The following RPS11 variants were observed in gnomAD, a reference collection of about 807,000 sequenced individuals.
The protein encoded by RPS11 is small ribosomal subunit protein uS17.
For missense variants in RPS11, 127 were observed against 211.4 expected, an observed-to-expected ratio of 0.60 and a Z score of 2.48; for synonymous variants, 107 against 78.0, an observed-to-expected ratio of 1.37 and a Z score of -1.96.
At chr19:49,499,368 A>G (rs973641548) in intron 4 of RPS11, 144 bp from the exon 5 acceptor site, 81 of 811,298 alleles carry the variant, frequency 1.0e-4, no homozygotes, top group Admixed American at 5.4e-5. Flanking sequence ...AAAGGAGGGG[A>G]CAGGTTGAAT....
Position 49,497,222 on chromosome 19 carries a change from C to T in RPS11, c.44C>T (p.Thr15Ile), listed in dbSNP as rs768107021. The change falls in exon 2 of 5, where the codon ACC becomes ATC. Residue 15 changes from threonine (T) to isoleucine (I), a missense_variant. By Grantham distance (89) the Thr-to-Ile change is moderately conservative (BLOSUM62 -1). Coordinates refer to ENST00000270625, the MANE Select transcript of RPS11 (RefSeq NM_001015.5). ...GAGCGTGCCTACCAAAAGCAGCCGA[C>T]CATCTTTCAAAACAAGAAGAGGGTC... The part of the protein sequence containing the change: ...QTERAYQKQP[T>I]IFQNKKRVLL... 9.9e-6 allele frequency: 16 copies of T among 1,613,928 alleles called. No individual in the cohort carries two copies. Among genetic ancestry groups the T allele is most frequent in the South Asian group, 4.4e-5 (4 of 91,090 alleles).
intron 4 of RPS11, among the ~76,000 whole-genome samples, chr19:49,498,953 A>G (rs1174801312): frequency 1.2e-4 from 19 of 152,110 alleles, no homozygotes; most frequent in Non-Finnish European, 1.5e-5. Context: ...GTGGTGTGAG[A>G]TGTTTGGGGT....
At chr19:49,496,601 T>G (rs2079907505) in intron 1 of RPS11, 130 bp downstream of exon 1, 2 of 986,632 alleles carry the variant, frequency 2.0e-6, no homozygotes, top group South Asian at 3.2e-5. Flanking sequence ...TTCTAGAGAT[T>G]AACTGGAGTG....
chr19:49,496,438 T>G lies in RPS11; in HGVS notation c.-19T>G. 1 of 1,612,306 alleles carries G rather than the reference T, an allele frequency of 6.2e-7. No individual in the cohort carries two copies. The highest frequency in any genetic ancestry group is 8.5e-7 in the Non-Finnish European group (1 of 1,179,272). On this transcript the variant is annotated 5_prime_UTR_variant, in exon 1 of 5. Transcript: ENST00000270625. ...CCCGGACGCTGCTGCCCCTTTCTTT[T>G]TTTCAGGCGGCCGGGAAGATGGCGG...
chr19:49,499,551 C>T lies in RPS11; in HGVS notation c.393C>T (p.Cys131=), dbSNP rs756513853. ...QIGDIVTVGE[C]RPLSKTVRFN... ...GTGACATCGTCACAGTGGGCGAGTG[C>T]CGGCCTCTGAGCAAGACAGTGCGCT... The change falls in exon 5 of 5, where the codon TGC becomes TGT. Residue 131 remains cysteine, a synonymous_variant. Coordinates refer to ENST00000270625, the MANE Select transcript of RPS11 (RefSeq NM_001015.5). 3 of 1,613,672 alleles carry T rather than the reference C, an allele frequency of 1.9e-6. No homozygotes were observed. Among genetic ancestry groups the T allele is most frequent in the African/African-American group, 2.7e-5 (2 of 74,894 alleles).
chr19:49,497,717 A>G (rs1410825734), intron 3 of RPS11, 122 bp downstream of exon 3: 10 of 1,145,224 alleles, frequency 8.7e-6, no homozygotes, highest in South Asian at 4.9e-5. Flanking sequence ...GTCCAGGTAC[A>G]TTGGCAGATG....
Position 49,497,619 on chromosome 19 carries a change from C to G in RPS11, c.223+24C>G, listed in dbSNP as rs185380225. 304 of 1,603,556 alleles carry G rather than the reference C, an allele frequency of 1.9e-4. 1 individual carries two copies. In the East Asian group the frequency reaches 6.4e-3, roughly 34 times the overall value. Reference sequence around the variant, plus strand: ...TGGTAAGTGCGGGAGTTACTGGTGTCTGGGGCCTGAAATACTGAAAGAAGG... The same window carrying G: ...TGGTAAGTGCGGGAGTTACTGGTGTGTGGGGCCTGAAATACTGAAAGAAGG... On this transcript the variant is annotated intron_variant, in intron 3 of 4. Coordinates refer to ENST00000270625, the MANE Select transcript of RPS11 (RefSeq NM_001015.5).
intron 3 of RPS11, 87 bp downstream of exon 3, chr19:49,497,682 G>T: frequency 5.2e-6 from 7 of 1,343,116 alleles, no homozygotes; most frequent in Non-Finnish European, 6.4e-6. Context: ...GGGTGAGAGG[G>T]GTGGTTAGGA....
chr19:49,497,993 C>T lies in RPS11; in HGVS notation c.300C>T (p.Asn100=). 1 of 1,613,944 alleles carries T rather than the reference C, an allele frequency of 6.2e-7. No homozygotes were observed. Among genetic ancestry groups the T allele is most frequent in the Non-Finnish European group, 8.5e-7 (1 of 1,180,010 alleles). ...ATCTGCACTACATCCGCAAGTACAA[C>T]CGCTTCGAGAAGCGCCACAAGAACA... ...RDYLHYIRKY[N]RFEKRHKNMS... is the part of the protein sequence containing the mutation. The change falls in exon 4 of 5, where the codon AAC becomes AAT. Residue 100 remains asparagine (N), a synonymous_variant. Transcript: ENST00000270625.
At chr19:49,496,616 G>T (rs1304498811) in intron 1 of RPS11, 145 bp downstream of exon 1, 2 of 877,418 alleles carry the variant, frequency 2.3e-6, no homozygotes, top group Non-Finnish European at 3.4e-6. Context: ...GGAGTGGAGG[G>T]CGCTTGCTTT....
chr19:49,499,220 G>T (rs2079922502), intron 4 of RPS11, among the ~76,000 whole-genome samples: 1 of 152,166 alleles, frequency 6.6e-6, no homozygotes, highest in Non-Finnish European at 1.5e-5. Context: ...GCTGGGGAAG[G>T]GTGGTGAGGC....
At chr19:49,497,485 C>T (rs1297707830) in intron 2 of RPS11, 35 bp from the exon 3 acceptor site, 18 of 1,608,514 alleles carry the variant, frequency 1.1e-5, no homozygotes, top group Non-Finnish European at 1.5e-5. Context: ...ACCGCCCGCC[C>T]AAGGCTCACT....
At position 49,497,413 on chromosome 19, in the gene RPS11, T is replaced by C. The variant is rs1434605766; in HGVS notation, c.147+88T>C. The stretch of plus-strand genomic sequence containing the variant: ...GTTGCCCTGCCTGCATCTAAGTGGC[T>C]TCTGGGGCTGCTGGGAATTGTAGTT... On this transcript the variant is annotated intron_variant, in intron 2 of 4. Coordinates refer to ENST00000270625, the MANE Select transcript of RPS11 (RefSeq NM_001015.5). 3.1e-6 allele frequency: 5 copies of C among 1,600,292 alleles called. No individual in the cohort carries two copies. In the Admixed American group the frequency reaches 6.7e-5, roughly 21 times the overall value.
intron 4 of RPS11, among the ~76,000 whole-genome samples, chr19:49,498,689 G>T: frequency 6.6e-6 from 1 of 152,202 alleles, no homozygotes; most frequent in East Asian, 1.9e-4. Context: ...AGTGGAGGCT[G>T]CAGTGAGCCG....
intron 4 of RPS11, chr19:49,498,344 T>C: frequency 2.5e-6 from 1 of 403,248 alleles, no homozygotes; most frequent in Non-Finnish European, 4.7e-6. Flanking sequence ...ATATACACCT[T>C]ATTCACATAG....
intron 1 of RPS11, 151 bp from the exon 2 acceptor site, chr19:49,497,043 G>C (rs2079909847): frequency 5.2e-6 from 4 of 769,826 alleles, no homozygotes. Flanking sequence ...ATGTCTTAGA[G>C]GGTGATTCTG....
chr19:49,497,564 T>C lies in RPS11; in HGVS notation c.192T>C (p.Gly64=). The C allele has an allele frequency of 6.2e-7, 1 of 1,614,008 alleles. No homozygotes were observed. The highest frequency in any genetic ancestry group is 2.2e-5 in the East Asian group (1 of 44,886). The change falls in exon 3 of 5, where the codon GGT becomes GGC. Residue 64 remains glycine, a synonymous_variant. Coordinates refer to ENST00000270625, the MANE Select transcript of RPS11 (RefSeq NM_001015.5). ...TTGACAAGAAATGCCCCTTCACTGG[T>C]AATGTGTCCATTCGAGGGCGGATCC... ...TYIDKKCPFT[G]NVSIRGRILS... is the part of the protein sequence containing the mutation.
intron 3 of RPS11, 156 bp downstream of exon 3, chr19:49,497,751 C>T: frequency 1.7e-6 from 2 of 1,159,146 alleles, no homozygotes; most frequent in Non-Finnish European, 2.6e-6. Flanking sequence ...CGATGGTCTT[C>T]AGATGCCCAC....
At chr19:49,497,156 A>C in intron 1 of RPS11, 38 bp from the exon 2 acceptor site, 1 of 1,609,252 alleles carries the variant, frequency 6.2e-7, no homozygotes, top group South Asian at 1.1e-5. Flanking sequence ...CCGGCTTCAA[A>C]CTTAGCAGCT....
Sources: allele counts gnomAD v4.1 joint callset (sites outside exome capture counted in the v4.1 genomes callset), GRCh38; gene constraint gnomAD v4.1.1; transcripts MANE v1.5; gene names NCBI Gene and HGNC (gene_info 2026-07-23, HGNC 2026-07-21).